HYCC2: variants seen among roughly 807,000 people sequenced by gnomAD.
HYCC2 encodes the protein hyccin PI4KA lipid kinase complex subunit 2.
the HYCC2 span, among the ~76,000 whole-genome samples, chr2:201,069,500 T>C: frequency 0.031 from 4,631 of 151,168 alleles, 257 homozygotes; most frequent in African/African-American, 0.11. Flanking sequence ...AATCAGCCAT[T>C]AGTTCTCTAA....
At chr2:200,998,436 C>T in the HYCC2 span, among the ~76,000 whole-genome samples, 1 of 152,122 alleles carries the variant, frequency 6.6e-6, no homozygotes, top group South Asian at 2.1e-4. Flanking sequence ...TAAACCAGTC[C>T]CTTACCTCTG....
the HYCC2 span, among the ~76,000 whole-genome samples, chr2:201,019,683 G>C: frequency 2.6e-5 from 4 of 152,032 alleles, no homozygotes; most frequent in African/African-American, 9.7e-5. Context: ...CTTGAGCCCA[G>C]GAGGTTCAGT....
the HYCC2 span, among the ~76,000 whole-genome samples, chr2:200,986,588 A>T: frequency 2.0e-5 from 3 of 152,178 alleles, no homozygotes; most frequent in South Asian, 6.2e-4. Flanking sequence ...GGGGAAGGGT[A>T]TTAAAAAACC....
the HYCC2 span, among the ~76,000 whole-genome samples, chr2:200,986,821 T>G: frequency 2.0e-5 from 3 of 152,160 alleles, no homozygotes; most frequent in Non-Finnish European, 4.4e-5. Flanking sequence ...CCAATGAATA[T>G]CAGCATACTT....
the HYCC2 span, among the ~76,000 whole-genome samples, chr2:201,048,494 A>AT: frequency 5.4e-5 from 8 of 146,894 alleles, no homozygotes; most frequent in Non-Finnish European, 8.9e-5. Context: ...TTTTTTTGCA[A>AT]TTTTTTTTGC....
chr2:201,069,184 G>A, the HYCC2 span, among the ~76,000 whole-genome samples: 1 of 152,170 alleles, frequency 6.6e-6, no homozygotes. Flanking sequence ...TGCCAAAACT[G>A]TATTGCAAAT....
chr2:201,024,872 T>G, the HYCC2 span, among the ~76,000 whole-genome samples: 2 of 152,118 alleles, frequency 1.3e-5, no homozygotes, highest in East Asian at 3.9e-4. Flanking sequence ...TCCCAGCACT[T>G]TGGGAGGCTG....
At chr2:201,005,927 G>A in the HYCC2 span, among the ~76,000 whole-genome samples, 2 of 151,968 alleles carry the variant, frequency 1.3e-5, no homozygotes, top group African/African-American at 2.4e-5. Context: ...CCGCCTCCCC[G>A]GGTTCAAGCG....
At chr2:201,020,864 T>C in the HYCC2 span, among the ~76,000 whole-genome samples, 1 of 152,040 alleles carries the variant, frequency 6.6e-6, no homozygotes, top group Non-Finnish European at 1.5e-5. Context: ...GCCTCCCAAG[T>C]TCAAGCGATT....
the HYCC2 span, among the ~76,000 whole-genome samples, chr2:201,017,642 A>G: frequency 2.0e-5 from 3 of 152,226 alleles, no homozygotes; most frequent in South Asian, 6.2e-4. Context: ...GAATTTTCTA[A>G]GAGTCATGCT....
chr2:200,982,949 G>C, the HYCC2 span, among the ~76,000 whole-genome samples: 1 of 152,150 alleles, frequency 6.6e-6, no homozygotes, highest in East Asian at 1.9e-4. Context: ...GTAGAGATGG[G>C]ATTTCACCAT....
the HYCC2 span, among the ~76,000 whole-genome samples, chr2:201,050,243 A>C: frequency 6.6e-6 from 1 of 151,738 alleles, no homozygotes; most frequent in East Asian, 1.9e-4. Flanking sequence ...CCCAAAACAA[A>C]CAAAAAAAAC....
chr2:201,019,756 T>TAAA, the HYCC2 span, among the ~76,000 whole-genome samples: 6 of 140,624 alleles, frequency 4.3e-5, no homozygotes, highest in African/African-American at 1.6e-4. Flanking sequence ...GGCCCTGTCT[T>TAAA]AAAAAAAAAA....
At chr2:201,065,140 A>G in the HYCC2 span, among the ~76,000 whole-genome samples, 6 of 152,168 alleles carry the variant, frequency 3.9e-5, no homozygotes, top group Non-Finnish European at 7.4e-5. Flanking sequence ...CTTGATACCT[A>G]AACCATGGCA....
At chr2:201,006,181 G>A in the HYCC2 span, among the ~76,000 whole-genome samples, 2 of 149,588 alleles carry the variant, frequency 1.3e-5, no homozygotes, top group Admixed American at 6.7e-5. Context: ...AGGCTGGAGT[G>A]CACTGGCGTG....
the HYCC2 span, chr2:200,981,914 A>G: frequency 5.2e-6 from 8 of 1,545,236 alleles, no homozygotes; most frequent in African/African-American, 1.4e-5. This position sits in a 1 kb window ranked among gnomAD's most constrained non-coding sequence, Gnocchi z 4.5. Flanking sequence ...GCTAAATTAA[A>G]TAAGAAGCAG....
chr2:201,037,499 A>C, the HYCC2 span, among the ~76,000 whole-genome samples: 3 of 152,196 alleles, frequency 2.0e-5, no homozygotes, highest in African/African-American at 7.2e-5. Flanking sequence ...CTATACTACA[A>C]GGCTACAGTA....
At chr2:201,017,129 A>ACC in the HYCC2 span, 1 of 1,613,864 alleles carries the variant, frequency 6.2e-7, no homozygotes, top group Non-Finnish European at 8.5e-7. Context: ...CCTCTGAGCT[A>ACC]CGATAGAGCT....
At chr2:201,062,947 T>A in the HYCC2 span, 1 of 1,010,608 alleles carries the variant, frequency 9.9e-7, no homozygotes, top group Non-Finnish European at 1.5e-6. Flanking sequence ...CCTGAACAAC[T>A]ACTACTGCTG....
Sources: gnomAD v4.1 joint callset for allele counts (sites outside exome capture counted in the v4.1 genomes callset) on GRCh38, gnomAD v4.1.1 for gene constraint, Gnocchi (gnomAD v3.1) non-coding constraint, MANE v1.5 for transcripts, NCBI Gene and HGNC (gene_info 2026-07-23, HGNC 2026-07-21) for gene names.